The following AGBL1 variants were observed in gnomAD, a reference collection of about 807,000 sequenced individuals.
AGBL1 encodes cytosolic carboxypeptidase 4.
A neutral mutation model predicts 118.9 loss-of-function variants in AGBL1; 130 were observed. The ratio of observed to expected loss-of-function variants is 1.09; its 90% CI spans 0.95 to 1.26. AGBL1 has a LOEUF of 1.26. Among genes scored for constraint, AGBL1 ranks in the 50% most tolerant of loss-of-function variants. AGBL1 has a pLI of 0.00. For missense variants in AGBL1, 1,584 were observed against 1,298.1 expected (o/e 1.22, Z -3.38); for synonymous variants, 555 against 478.9 (o/e 1.16, Z -2.08).
At chr15:86,258,283 CA>C (rs1325490332) in intron 9 of AGBL1, among the ~76,000 whole-genome samples, 1 of 152,072 alleles carries the variant, frequency 6.6e-6, no homozygotes, top group African/African-American at 2.4e-5. Flanking sequence ...ATTATGACAC[CA>C]ATACTTTATT....
chr15:86,784,062 C>T (rs771065632), intron 22 of AGBL1, among the ~76,000 whole-genome samples: 1 of 151,908 alleles, frequency 6.6e-6, no homozygotes, highest in African/African-American at 2.4e-5. Flanking sequence ...ACTTACTGTG[C>T]AATTTTGCAC....
intron 21 of AGBL1, among the ~76,000 whole-genome samples, chr15:86,556,486 A>G (rs2083736019): frequency 1.3e-5 from 2 of 152,204 alleles, no homozygotes; most frequent in Admixed American, 1.3e-4. Flanking sequence ...TCCTGTCCTT[A>G]CAAACATTGT....
At chr15:86,987,606 A>G (rs992223751) in intron 23 of AGBL1, among the ~76,000 whole-genome samples, 30 of 152,008 alleles carry the variant, frequency 2.0e-4, no homozygotes, top group African/African-American at 6.8e-4. Flanking sequence ...TTCTTTTACT[A>G]TTTTGTTAAT....
At chr15:86,888,067 T>C (rs1282114894) in intron 22 of AGBL1, among the ~76,000 whole-genome samples, 4 of 152,120 alleles carry the variant, frequency 2.6e-5, no homozygotes. Flanking sequence ...AGGAGGTGCA[T>C]CTTGCGGGAG....
chr15:86,923,090 G>A (rs915499889), intron 23 of AGBL1, among the ~76,000 whole-genome samples: 1 of 152,164 alleles, frequency 6.6e-6, no homozygotes, highest in Non-Finnish European at 1.5e-5. Flanking sequence ...GGATGCAATC[G>A]CTGAAGCTGG....
intron 24 of AGBL1, among the ~76,000 whole-genome samples, chr15:86,993,825 C>T (rs1279132211): frequency 3.3e-5 from 5 of 152,178 alleles, no homozygotes; most frequent in African/African-American, 7.2e-5. Flanking sequence ...ATTTTATTAG[C>T]GCTGGCCTGC....
At chr15:86,924,575 G>A (rs1027892141) in intron 23 of AGBL1, among the ~76,000 whole-genome samples, 1 of 152,146 alleles carries the variant, frequency 6.6e-6, no homozygotes, top group Non-Finnish European at 1.5e-5. Flanking sequence ...TTCTCTGTTT[G>A]GGAGAGAAAG....
intron 22 of AGBL1, among the ~76,000 whole-genome samples, chr15:86,841,537 G>T (rs918890381): frequency 6.6e-6 from 1 of 152,032 alleles, no homozygotes; most frequent in African/African-American, 2.4e-5. Context: ...CACATCTCAC[G>T]ATTTGAGCTC....
intron 23 of AGBL1, among the ~76,000 whole-genome samples, chr15:86,956,648 A>T (rs1404346569): frequency 1.3e-5 from 2 of 152,174 alleles, no homozygotes; most frequent in African/African-American, 4.8e-5. Context: ...ACCGATGTGA[A>T]TGTTAGTCAC....
chr15:86,405,432 C>T (rs1596074336), intron 18 of AGBL1, among the ~76,000 whole-genome samples: 1 of 152,018 alleles, frequency 6.6e-6, no homozygotes, highest in African/African-American at 2.4e-5. Context: ...AGGAGAATGG[C>T]ATGAACCTGG....
intron 23 of AGBL1, among the ~76,000 whole-genome samples, chr15:86,970,159 T>C (rs867141683): frequency 6.6e-6 from 1 of 151,868 alleles, no homozygotes; most frequent in Admixed American, 6.6e-5. Context: ...CAAGGCAGCA[T>C]TGGAAATATT....
chr15:86,827,317 ACACACACATATATATATATATGTG>A (rs1293598515), intron 22 of AGBL1, among the ~76,000 whole-genome samples: 2 of 9,330 alleles, frequency 2.1e-4, no homozygotes, highest in African/African-American at 1.6e-3. Flanking sequence ...ATATATATAT[ACACACACATATATATATATATGTG>A]TATATATATA....
chr15:86,230,381 C>A (rs1298417237), intron 6 of AGBL1, among the ~76,000 whole-genome samples: 1 of 152,202 alleles, frequency 6.6e-6, no homozygotes, highest in Non-Finnish European at 1.5e-5. Context: ...TCTAAGAGTT[C>A]CAAGGAGTCC....
At chr15:86,312,536 C>T (rs2079936340) in intron 17 of AGBL1, among the ~76,000 whole-genome samples, 1 of 152,218 alleles carries the variant, frequency 6.6e-6, no homozygotes, top group African/African-American at 2.4e-5. Flanking sequence ...CGCATTGTTG[C>T]CTTTCCTGGT....
In AGBL1 at chr15:86,753,249, G is replaced by T. The variant is rs151232085; in HGVS notation, c.3158+78813G>T. Among the ~76,000 whole-genome samples the T allele has an allele frequency of 1.2e-3, 183 of 152,014 alleles. 1 individual carries two copies. The highest frequency in any genetic ancestry group is 4.3e-3 in the African/African-American group (178 of 41,460). ...TTTTTCTGGCTCAATCTCCATTCTT[G>T]CTGTGTTAGCCAAGGACTCTGACCA... On this transcript the variant is annotated intron_variant, in intron 22 of 22. Coordinates refer to ENST00000614907, the MANE Select transcript of AGBL1 (RefSeq NM_001386094.1).
chr15:86,247,778 C>T lies in AGBL1; in HGVS notation c.634C>T (p.Arg212Trp), dbSNP rs542723617. 54 of 1,613,926 alleles carry T rather than the reference C, an allele frequency of 3.3e-5. No individual in the cohort carries two copies. The highest frequency in any genetic ancestry group is 2.7e-4 in the Admixed American group (16 of 60,028). ...DTANAYVQIR[R>W]GLLLCLRHIA... ...AGCCAACGCCTACGTGCAGATCCGA[C>T]GGGGCTTGCTGCTCTGCCTCAGGCA... Residue 212 changes from arginine to tryptophan, a missense_variant, in exon 7 of 23, where the codon CGG (arginine) becomes TGG (tryptophan). Transcript: ENST00000614907.
chr15:86,420,356 C>T (rs2081770228), intron 18 of AGBL1, among the ~76,000 whole-genome samples: 2 of 152,156 alleles, frequency 1.3e-5, no homozygotes, highest in South Asian at 4.1e-4. Flanking sequence ...CAAACTCAAG[C>T]AGACCTGCAG....
intron 23 of AGBL1, among the ~76,000 whole-genome samples, chr15:86,959,567 T>A (rs1410825434): frequency 1.3e-5 from 2 of 152,140 alleles, no homozygotes; most frequent in African/African-American, 4.8e-5. Context: ...GTCTTCTTTT[T>A]TTCTTTGATT....
chr15:86,968,408 C>G (rs1018536528), intron 23 of AGBL1, among the ~76,000 whole-genome samples: 3 of 151,898 alleles, frequency 2.0e-5, no homozygotes, highest in African/African-American at 7.2e-5. Flanking sequence ...AAACATTAAG[C>G]TTTGATTGCT....
Sources: allele counts gnomAD v4.1 joint callset (sites outside exome capture counted in the v4.1 genomes callset), GRCh38; gene constraint gnomAD v4.1.1; transcripts MANE v1.5; gene names NCBI Gene and HGNC (gene_info 2026-07-23, HGNC 2026-07-21).